LRMDA: variants seen among roughly 807,000 people sequenced by gnomAD.
LRMDA encodes leucine-rich melanocyte differentiation-associated protein.
Under a neutral mutation model 29.8 loss-of-function variants are expected in LRMDA, and 18 were observed. That is an observed-to-expected ratio of 0.60 (90% confidence interval 0.42 to 0.90). LRMDA has a LOEUF of 0.90. LRMDA is among the 40% of genes least tolerant of loss of function. LRMDA has a pLI of 0.00. For synonymous variants in LRMDA, 125 were observed against 109.4 expected (o/e 1.14, Z -0.89); for missense variants, 273 against 273.9 (o/e 1.00, Z 0.02).
intron 2 of LRMDA, among the ~76,000 whole-genome samples, chr10:76,025,202 G>C (rs191853583): frequency 6.6e-6 from 1 of 151,402 alleles, no homozygotes. Context: ...GTGGGAAAAA[G>C]ACAGGAAAGA....
chr10:75,896,795 C>G (rs1845589607), intron 2 of LRMDA, among the ~76,000 whole-genome samples: 1 of 150,084 alleles, frequency 6.7e-6, no homozygotes, highest in Non-Finnish European at 1.5e-5. Flanking sequence ...GGACCTTGTT[C>G]CACAAGGGAC....
At chr10:75,469,663 G>A (rs1194441868) in intron 2 of LRMDA, among the ~76,000 whole-genome samples, 1 of 152,186 alleles carries the variant, frequency 6.6e-6, no homozygotes, top group African/African-American at 2.4e-5. Flanking sequence ...GAGGATGGTA[G>A]CATGAGGGGA....
At chr10:76,060,051 C>T (rs1185725688) in intron 5 of LRMDA, among the ~76,000 whole-genome samples, 1 of 152,100 alleles carries the variant, frequency 6.6e-6, no homozygotes, top group Non-Finnish European at 1.5e-5. Context: ...TGTAATTTTT[C>T]CAAATGAAAT....
chr10:76,399,563 G>C (rs1841826062), intron 6 of LRMDA, among the ~76,000 whole-genome samples: 1 of 152,176 alleles, frequency 6.6e-6, no homozygotes, highest in Non-Finnish European at 1.5e-5. Flanking sequence ...AGCCTTCATA[G>C]CATTCCTGAA....
At chr10:75,575,059 G>C (rs1261563474) in intron 2 of LRMDA, among the ~76,000 whole-genome samples, 1 of 152,174 alleles carries the variant, frequency 6.6e-6, no homozygotes, top group East Asian at 1.9e-4. Context: ...AGGAGGAAGA[G>C]AGAGAAGGGA....
intron 2 of LRMDA, among the ~76,000 whole-genome samples, chr10:75,989,316 T>C (rs1168919560): frequency 6.6e-6 from 1 of 152,226 alleles, no homozygotes; most frequent in Non-Finnish European, 1.5e-5. Flanking sequence ...TGGCTTCTGC[T>C]TCTGGGGAGA....
intron 2 of LRMDA, among the ~76,000 whole-genome samples, chr10:75,989,692 G>C (rs990619659): frequency 1.3e-5 from 2 of 152,212 alleles, no homozygotes; most frequent in African/African-American, 4.8e-5. Flanking sequence ...CATGAGGTAG[G>C]CTAGGAAGGT....
chr10:75,978,027 A>C (rs1050886808), intron 2 of LRMDA, among the ~76,000 whole-genome samples: 1 of 152,234 alleles, frequency 6.6e-6, no homozygotes, highest in Non-Finnish European at 1.5e-5. Flanking sequence ...CATAAATGGC[A>C]TGCTGATTGT....
At chr10:75,935,317 C>G (rs1003860625) in intron 2 of LRMDA, among the ~76,000 whole-genome samples, 4 of 152,162 alleles carry the variant, frequency 2.6e-5, no homozygotes, top group Admixed American at 2.0e-4. Context: ...GGTTGAAGAC[C>G]TGGCTGAATA....
At chr10:75,434,391 G>T (rs1844242394) in intron 1 of LRMDA, among the ~76,000 whole-genome samples, 1 of 152,168 alleles carries the variant, frequency 6.6e-6, no homozygotes, top group Non-Finnish European at 1.5e-5. Flanking sequence ...CACATGATAG[G>T]CATTTAATAA....
At chr10:76,450,399 T>C (rs1288367069) in intron 6 of LRMDA, among the ~76,000 whole-genome samples, 1 of 152,126 alleles carries the variant, frequency 6.6e-6, no homozygotes, top group Non-Finnish European at 1.5e-5. Context: ...TAAAACACAA[T>C]AGAACTTCCC....
chr10:76,092,120 T>G (rs949107565), intron 5 of LRMDA, among the ~76,000 whole-genome samples: 3 of 152,218 alleles, frequency 2.0e-5, no homozygotes, highest in Admixed American at 2.0e-4. Context: ...TGGTTGAGGG[T>G]CATTTTCCCC....
At chr10:76,214,963 T>C (rs1326434750) in intron 5 of LRMDA, among the ~76,000 whole-genome samples, 1 of 152,202 alleles carries the variant, frequency 6.6e-6, no homozygotes, top group African/African-American at 2.4e-5. Flanking sequence ...ACATAACTAA[T>C]GGGGCCCAAG....
At chr10:75,670,117 G>T (rs190807559) in intron 2 of LRMDA, among the ~76,000 whole-genome samples, 5 of 152,318 alleles carry the variant, frequency 3.3e-5, no homozygotes, top group Admixed American at 6.5e-5. Context: ...AGACATTTGC[G>T]TCTTTATAAA....
chr10:75,870,282 A>G (rs896564654), intron 2 of LRMDA, among the ~76,000 whole-genome samples: 3 of 152,234 alleles, frequency 2.0e-5, no homozygotes, highest in South Asian at 2.1e-4. Flanking sequence ...CTTTGGCACT[A>G]CAGAAGCAAA....
chr10:76,526,244 G>A (rs1032774744), intron 6 of LRMDA, among the ~76,000 whole-genome samples: 8 of 152,216 alleles, frequency 5.3e-5, no homozygotes, highest in African/African-American at 1.9e-4. Flanking sequence ...TCTTCACTCA[G>A]AAGTGAGAAT....
chr10:76,492,385 A>G (rs1334964985), intron 6 of LRMDA, among the ~76,000 whole-genome samples: 1 of 152,036 alleles, frequency 6.6e-6, no homozygotes, highest in Non-Finnish European at 1.5e-5. Context: ...TTGTAATCTA[A>G]GCCATATCTA....
chr10:76,144,304 T>C lies in LRMDA; in HGVS notation c.516+85521T>C, dbSNP rs567590408. ...GGGCAGTATGGCCATTTTCATGATA[T>C]TGATTTTTCCTATCCATGAGCTTGG... is the stretch of plus-strand genomic sequence containing the variant. On this transcript the variant is annotated intron_variant, in intron 5 of 6. Transcript: ENST00000611255. Among the ~76,000 whole-genome samples the C allele has an allele frequency of 1.2e-4, 19 of 152,332 alleles. 1 individual carries two copies. The South Asian group carries it at 3.9e-3, about 32-fold the overall frequency.
intron 6 of LRMDA, among the ~76,000 whole-genome samples, chr10:76,346,729 C>G (rs556965734): frequency 1.3e-5 from 2 of 152,114 alleles, no homozygotes; most frequent in Admixed American, 1.3e-4. Flanking sequence ...GATATTATCC[C>G]CATTTTATAT....
Sources: gnomAD v4.1 joint callset for allele counts (sites outside exome capture counted in the v4.1 genomes callset) on GRCh38, gnomAD v4.1.1 for gene constraint, MANE v1.5 for transcripts, NCBI Gene and HGNC (gene_info 2026-07-23, HGNC 2026-07-21) for gene names.